Variants in AP3B1 observed in about 807,000 individuals in gnomAD.
AP3B1 encodes AP-3 complex subunit beta-1.
AP3B1 carries 61 observed loss-of-function variants against 132.5 expected under a neutral mutation model. The observed-to-expected ratio is 0.46, with a 90% CI of 0.37 to 0.57. The LOEUF (loss-of-function observed/expected upper bound fraction) is 0.57, where lower values mean the gene tolerates loss of function less well. Ranked by LOEUF, AP3B1 falls within the 20% of genes least tolerant of loss-of-function variation. AP3B1 has a pLI of 0.00. For missense variants in AP3B1, 1,120 were observed against 1,289.4 expected (o/e 0.87, Z 2.01); for synonymous variants, 388 against 438.3 (o/e 0.89, Z 1.43).
chr5:78,125,723 TTCTC>T lies in AP3B1; in HGVS notation c.1968+2303_1968+2306del, dbSNP rs141402642. ...AACCATGTTCAATCAGTTATAATGA[TTCTC>T]TCTAAGTTACCAATTATTAATTTCA... On this transcript the variant is annotated intron_variant, in intron 17 of 26. Coordinates refer to ENST00000255194, the MANE Select transcript of AP3B1 (RefSeq NM_003664.5). 7.9e-3 allele frequency among the ~76,000 whole-genome samples: 1,206 copies of T among 152,286 alleles called. 19 individuals carry two copies. Among genetic ancestry groups the T allele is most frequent in the African/African-American group, 0.026 (1,098 of 41,550 alleles).
At chr5:78,205,294 A>G (rs866544699) in intron 7 of AP3B1, among the ~76,000 whole-genome samples, 1 of 152,160 alleles carries the variant, frequency 6.6e-6, no homozygotes, top group African/African-American at 2.4e-5. Flanking sequence ...TTATATTCTA[A>G]GTAAGCTCAT....
chr5:78,244,055 G>A (rs1214376439), intron 2 of AP3B1, among the ~76,000 whole-genome samples: 2 of 152,168 alleles, frequency 1.3e-5, no homozygotes, highest in Non-Finnish European at 2.9e-5. Flanking sequence ...GTGAGAATGG[G>A]CTAGATTTGG....
downstream of AP3B1, chr5:78,000,587 T>TA (rs985497480): frequency 2.0e-5 from 3 of 151,860 alleles, no homozygotes; most frequent in African/African-American, 7.2e-5. Flanking sequence ...CTCTTTAGAA[T>TA]AAAAAAACTC....
chr5:78,245,248 C>T lies in AP3B1; in HGVS notation c.205-4312G>A, dbSNP rs147016645. ...GCGAAACAGTGAAAGGGAGGCAATG[C>T]GTAATAGGCGTAATCTACAGCGATA... is the stretch of plus-strand genomic sequence containing the variant. On this transcript the variant is annotated intron_variant, in intron 2 of 26. Transcript: ENST00000255194. 2.0e-4 allele frequency among the ~76,000 whole-genome samples: 30 copies of T among 152,246 alleles called. No homozygotes were observed. In the East Asian group the frequency reaches 5.4e-3, roughly 27 times the overall value.
chr5:78,151,265 C>T (rs1194125658), intron 14 of AP3B1, among the ~76,000 whole-genome samples: 1 of 152,166 alleles, frequency 6.6e-6, no homozygotes, highest in Non-Finnish European at 1.5e-5. Flanking sequence ...TGTAGGAATG[C>T]TCTTATACCC....
rs1327396462 is a variant in AP3B1 at position 78,002,718 on chromosome 5, G to A, written c.*184C>T. Reference sequence around the variant, plus strand: ...TGCTCTTTGGTTAGCAAAGCAAAAAGGGGGAAAGTATTGCATACATGATAG... The same window carrying A: ...TGCTCTTTGGTTAGCAAAGCAAAAAAGGGGAAAGTATTGCATACATGATAG... On this transcript the variant is annotated 3_prime_UTR_variant, in exon 27 of 27. Coordinates refer to ENST00000255194, the MANE Select transcript of AP3B1 (RefSeq NM_003664.5). The A allele has an allele frequency of 1.4e-5, 10 of 706,808 alleles. No individual in the cohort carries two copies. Among genetic ancestry groups the A allele is most frequent in the East Asian group, 1.0e-4 (4 of 38,192 alleles). The allele number at this position is 706,808 out of a possible 1,614,324, so 43.8% of individuals were successfully genotyped here.
chr5:78,113,889 G>T lies in AP3B1; in HGVS notation c.2112C>A (p.Gly704=), dbSNP rs35976098. The part of the protein sequence containing the change: ...SESGSESGEQ[G]ESGEEGDSNE... ...TGCTGTCTCCTTCCTCCCCACTTTC[G>T]CCTTGTTCTCCACTTTCACTTCCAG... Residue 704 remains glycine, a synonymous_variant, in exon 19 of 27, where the codon GGC becomes GGA. Transcript: ENST00000255194. 3 of 1,613,844 alleles carry T rather than the reference G, an allele frequency of 1.9e-6. No individual in the cohort carries two copies. Among genetic ancestry groups the T allele is most frequent in the Non-Finnish European group, 2.5e-6 (3 of 1,180,010 alleles).
chr5:78,102,862 A>C (rs1389818558), intron 20 of AP3B1, among the ~76,000 whole-genome samples: 1 of 152,148 alleles, frequency 6.6e-6, no homozygotes, highest in East Asian at 1.9e-4. Flanking sequence ...AGAGTGTGTA[A>C]CAATATCTAT....
At chr5:78,178,699 T>A (rs1055596301) in intron 8 of AP3B1, among the ~76,000 whole-genome samples, 3 of 152,180 alleles carry the variant, frequency 2.0e-5, no homozygotes, top group Non-Finnish European at 1.5e-5. Context: ...TAAGTGCCTC[T>A]ACACTCAGAT....
intron 7 of AP3B1, among the ~76,000 whole-genome samples, chr5:78,213,937 G>A (rs1349189091): frequency 6.6e-6 from 1 of 152,134 alleles, no homozygotes; most frequent in African/African-American, 2.4e-5. Context: ...AGAAAGGAAG[G>A]CAAAAAAGGC....
At chr5:78,058,143 C>T (rs1182883226) in intron 22 of AP3B1, among the ~76,000 whole-genome samples, 2 of 152,032 alleles carry the variant, frequency 1.3e-5, no homozygotes, top group Non-Finnish European at 2.9e-5. Context: ...TAAAACATCT[C>T]GATAAAAATT....
At chr5:78,054,413 G>A (rs1748717172) in intron 22 of AP3B1, among the ~76,000 whole-genome samples, 1 of 152,160 alleles carries the variant, frequency 6.6e-6, no homozygotes, top group African/African-American at 2.4e-5. Context: ...GATGGAATGG[G>A]CCCCATAAGA....
At chr5:78,117,348 C>T (rs946841300) in intron 17 of AP3B1, among the ~76,000 whole-genome samples, 2 of 150,508 alleles carry the variant, frequency 1.3e-5, no homozygotes, top group Middle Eastern at 3.4e-3. Context: ...CTCGCTCCGT[C>T]GCCCAGGCTG....
In AP3B1 at chr5:78,129,024, A is replaced by G. The variant is rs1301831964; in HGVS notation, c.1837+97T>C. ...ATATTTATATATGCGAATCATTTAT[A>G]TTTCCTAAGAGATAAATTTTAAGCA... On this transcript the variant is annotated intron_variant, in intron 16 of 26. Transcript: ENST00000255194. The G allele has an allele frequency of 3.9e-6, 4 of 1,014,916 alleles. No individual in the cohort carries two copies. The Admixed American group carries it at 1.1e-4, about 27-fold the overall frequency. The allele number at this position is 1,014,916 out of a possible 1,614,324, so 62.9% of individuals were successfully genotyped here.
intron 21 of AP3B1, among the ~76,000 whole-genome samples, chr5:78,098,971 C>A (rs1751016320): frequency 6.6e-6 from 1 of 152,166 alleles, no homozygotes; most frequent in South Asian, 2.1e-4. Context: ...TATGTCCCTC[C>A]AAAATTCGTG....
At chr5:78,218,879 T>C (rs1291617034) in intron 6 of AP3B1, among the ~76,000 whole-genome samples, 2 of 152,082 alleles carry the variant, frequency 1.3e-5, no homozygotes, top group Non-Finnish European at 2.9e-5. Flanking sequence ...CCAAATGATA[T>C]TCCCCTTCTT....
intron 13 of AP3B1, among the ~76,000 whole-genome samples, chr5:78,161,863 A>C (rs1280120374): frequency 6.6e-6 from 1 of 151,980 alleles, no homozygotes; most frequent in Non-Finnish European, 1.5e-5. Context: ...CAGTTTTCTA[A>C]AGATATCTAC....
chr5:78,145,623 T>C (rs75468650), intron 14 of AP3B1, among the ~76,000 whole-genome samples: 6,233 of 152,220 alleles, frequency 0.041, 193 homozygotes, highest in East Asian at 0.14. Flanking sequence ...ACTGGGGTCA[T>C]ATTTACTTAT....
At chr5:78,189,720 A>C (rs1187507624) in intron 7 of AP3B1, among the ~76,000 whole-genome samples, 1 of 151,798 alleles carries the variant, frequency 6.6e-6, no homozygotes, top group Non-Finnish European at 1.5e-5. Context: ...AAATACAAAA[A>C]TTAGCCAGGC....
Sources: gnomAD v4.1 joint callset for allele counts (sites outside exome capture counted in the v4.1 genomes callset) on GRCh38, gnomAD v4.1.1 for gene constraint, MANE v1.5 for transcripts, NCBI Gene and HGNC (gene_info 2026-07-23, HGNC 2026-07-21) for gene names.